Variants in PKHD1 observed in about 807,000 individuals in gnomAD.
PKHD1 encodes PKHD1 ciliary IPT domain containing fibrocystin/polyductin, also known as fibrocystin.
A neutral mutation model predicts 412.0 loss-of-function variants in PKHD1; 291 were observed. The observed-to-expected ratio is 0.71, with a 90% CI of 0.64 to 0.78. The LOEUF (loss-of-function observed/expected upper bound fraction) is 0.78. Ranked by LOEUF, PKHD1 falls within the 30% of genes least tolerant of loss-of-function variation. PKHD1 has a pLI of 0.00. For missense variants in PKHD1, 4,825 were observed against 4,950.7 expected (o/e 0.97, Z 0.76); for synonymous variants, 1,777 against 1,821.5 (o/e 0.98, Z 0.62).
intron 48 of PKHD1, among the ~76,000 whole-genome samples, chr6:51,865,877 A>G (rs890809969): frequency 1.3e-5 from 2 of 152,188 alleles, no homozygotes; most frequent in Non-Finnish European, 2.9e-5. Flanking sequence ...CTTTGGGACA[A>G]AGATCAAGCC....
chr6:52,040,389 T>A (rs190019341), intron 27 of PKHD1, among the ~76,000 whole-genome samples: 4 of 152,258 alleles, frequency 2.6e-5, no homozygotes, highest in Admixed American at 2.6e-4. Flanking sequence ...GTCTGTCATA[T>A]CCTCCTAACC....
chr6:52,043,832 A>G (rs1336402705), intron 25 of PKHD1, 102 bp from the exon 26 acceptor site: 1 of 759,530 alleles, frequency 1.3e-6, no homozygotes, highest in Admixed American at 2.0e-5. Flanking sequence ...CGTGTTCATG[A>G]TTCGCTAATT....
chr6:51,782,800 G>C (rs1792242490), intron 53 of PKHD1, among the ~76,000 whole-genome samples: 1 of 152,084 alleles, frequency 6.6e-6, no homozygotes, highest in African/African-American at 2.4e-5. Flanking sequence ...CAATGGGTCT[G>C]ACTACTGGGT....
At chr6:51,761,836 G>GT in intron 55 of PKHD1, among the ~76,000 whole-genome samples, 1 of 151,852 alleles carries the variant, frequency 6.6e-6, no homozygotes, top group South Asian at 2.1e-4. Flanking sequence ...TAAGAAATGA[G>GT]AAAAAAATAA....
intron 4 of PKHD1, among the ~76,000 whole-genome samples, chr6:52,081,487 T>A (rs897411501): frequency 1.3e-5 from 2 of 152,026 alleles, no homozygotes. Context: ...GTAACTGACA[T>A]ATAAGTGTTA....
intron 48 of PKHD1, among the ~76,000 whole-genome samples, chr6:51,866,932 C>T (rs1414717689): frequency 6.6e-6 from 1 of 152,046 alleles, no homozygotes; most frequent in Non-Finnish European, 1.5e-5. Context: ...GTCTAGAAAG[C>T]AAAAATGAAA....
intron 15 of PKHD1, among the ~76,000 whole-genome samples, chr6:52,059,609 T>C (rs567872313): frequency 1.6e-3 from 249 of 152,298 alleles, no homozygotes; most frequent in Middle Eastern, 3.4e-3. Context: ...TATATCTTTA[T>C]GTATATATGT....
At chr6:51,715,082 C>T (rs1458449115) in intron 60 of PKHD1, among the ~76,000 whole-genome samples, 1 of 152,086 alleles carries the variant, frequency 6.6e-6, no homozygotes, top group Non-Finnish European at 1.5e-5. Context: ...CTCCATCCTT[C>T]CTAACCCCAT....
chr6:51,816,246 A>G (rs1214986239), intron 52 of PKHD1, among the ~76,000 whole-genome samples: 1 of 152,180 alleles, frequency 6.6e-6, no homozygotes. Flanking sequence ...AAAGGTTTTG[A>G]CATTTTCTAT....
intron 12 of PKHD1, among the ~76,000 whole-genome samples, chr6:52,065,407 G>A (rs554522180): frequency 5.3e-5 from 8 of 152,100 alleles, no homozygotes; most frequent in Non-Finnish European, 1.0e-4. Flanking sequence ...CTCTTCATTG[G>A]GGACGTACTG....
At chr6:51,764,528 T>C (rs1410445579) in intron 55 of PKHD1, among the ~76,000 whole-genome samples, 1 of 148,848 alleles carries the variant, frequency 6.7e-6, no homozygotes, top group East Asian at 2.0e-4. Context: ...GATCTAGAAC[T>C]AGAAATACCA....
chr6:52,021,112 T>C (rs1801331950), intron 33 of PKHD1, among the ~76,000 whole-genome samples: 1 of 152,336 alleles, frequency 6.6e-6, no homozygotes. Context: ...AGTTAAATTA[T>C]GCATTCCTCT....
At chr6:52,065,154 T>G (rs1284267015) in intron 12 of PKHD1, 104 bp from the exon 13 acceptor site, 266 of 77,058 alleles carry the variant, frequency 3.5e-3, no homozygotes, top group East Asian at 0.016. Flanking sequence ...TATATATATA[T>G]ATATATATAT....
At chr6:51,909,776 T>G (rs1262791823) in intron 39 of PKHD1, among the ~76,000 whole-genome samples, 1 of 152,126 alleles carries the variant, frequency 6.6e-6, no homozygotes, top group Non-Finnish European at 1.5e-5. Flanking sequence ...AGATGCTTAT[T>G]TCAATCTAAA....
chr6:52,025,158 G>A lies in PKHD1; in HGVS notation c.4652C>T (p.Ser1551Leu). The A allele has an allele frequency of 6.2e-7, 1 of 1,614,154 alleles. No homozygotes were observed. Among genetic ancestry groups the A allele is most frequent in the Non-Finnish European group, 8.5e-7 (1 of 1,179,988 alleles). The change falls in exon 32 of 67, where the codon TCA becomes TTA. Residue 1551 changes from serine (S) to leucine (L), a missense_variant. Coordinates refer to ENST00000371117, the MANE Select transcript of PKHD1 (RefSeq NM_138694.4). ...ATACCCATTTCTTGTATAAAAAACT[G>A]ACAGGTAGTGGGGTCCTGGGGCCAA... ...RDLAPGPHYLSVFYTRNGYAC... is the reference protein window; with the variant it reads ...RDLAPGPHYLLVFYTRNGYAC...
intron 7 of PKHD1, among the ~76,000 whole-genome samples, chr6:52,073,024 T>G (rs1169158576): frequency 6.6e-6 from 1 of 152,208 alleles, no homozygotes; most frequent in East Asian, 1.9e-4. Context: ...TCTATGGCTT[T>G]TAATACCTGT....
rs1796265079 is a variant in PKHD1 at position 51,986,746 on chromosome 6, T to C, written c.5751+23563A>G. 2.0e-5 allele frequency among the ~76,000 whole-genome samples: 3 copies of C among 152,238 alleles called. No individual in the cohort carries two copies. The South Asian group carries it at 6.2e-4, about 31-fold the overall frequency. On this transcript the variant is annotated intron_variant, in intron 35 of 66. Transcript: ENST00000371117. ...TTGCCTAGCAAATTAACTCCTGTGGTATTTCTCATTCCCCAAGCAAAATAG... is the reference window on the plus strand; with the variant it reads ...TTGCCTAGCAAATTAACTCCTGTGGCATTTCTCATTCCCCAAGCAAAATAG...
chr6:51,644,173 A>G (rs1326064839), intron 63 of PKHD1, among the ~76,000 whole-genome samples: 1 of 152,180 alleles, frequency 6.6e-6, no homozygotes, highest in Non-Finnish European at 1.5e-5. Flanking sequence ...GCCAGAAACA[A>G]AATGTATAAG....
intron 36 of PKHD1, among the ~76,000 whole-genome samples, chr6:51,944,454 T>G (rs1401948734): frequency 6.6e-6 from 1 of 151,854 alleles, no homozygotes; most frequent in East Asian, 1.9e-4. Context: ...CTTTTGAGAT[T>G]TTTTTTTAGG....
Sources: gnomAD v4.1 joint callset for allele counts (sites outside exome capture counted in the v4.1 genomes callset) on GRCh38, gnomAD v4.1.1 for gene constraint, MANE v1.5 for transcripts, NCBI Gene and HGNC (gene_info 2026-07-23, HGNC 2026-07-21) for gene names.